The following REPS1 variants were observed in gnomAD, a reference collection of about 807,000 sequenced individuals.
REPS1 encodes the protein ralBP1-associated Eps domain-containing protein 1.
REPS1 carries 39 observed loss-of-function variants against 100.9 expected under a neutral mutation model. The ratio of observed to expected loss-of-function variants is 0.39; its 90% CI spans 0.30 to 0.50. REPS1 has a LOEUF of 0.50. Ranked by LOEUF, REPS1 falls within the 20% of genes least tolerant of loss-of-function variation. The probability of loss-of-function intolerance (pLI) is 0.86; values close to 1 mark genes in which losing one functional copy is unlikely to be tolerated. For missense variants in REPS1, 821 were observed against 968.5 expected (o/e 0.85, Z 2.02); for synonymous variants, 324 against 340.3 (o/e 0.95, Z 0.53).
rs1294526683 is a variant in REPS1 at position 138,987,971 on chromosome 6, G to A, written c.-289C>T. The A allele has an allele frequency of 1.0e-5, 4 of 388,722 alleles. No homozygotes were observed. Among genetic ancestry groups the A allele is most frequent in the Non-Finnish European group, 1.8e-5 (4 of 220,432 alleles). The allele number at this position is 388,722 out of a possible 1,614,324, so 24.1% of individuals were successfully genotyped here. ...GGCTCCGGCTCCGGCCGCGGGGAGGGTGCAGAGAAAGAGGCGGGGGCCGCG... is the reference window on the plus strand; with the variant it reads ...GGCTCCGGCTCCGGCCGCGGGGAGGATGCAGAGAAAGAGGCGGGGGCCGCG... On this transcript the variant is annotated 5_prime_UTR_variant, in exon 1 of 20. Coordinates refer to ENST00000450536, the MANE Select transcript of REPS1 (RefSeq NM_001286611.2).
At chr6:138,947,047 T>TCTTG (rs911083347) in intron 2 of REPS1, among the ~76,000 whole-genome samples, 2 of 146,392 alleles carry the variant, frequency 1.4e-5, no homozygotes, top group African/African-American at 5.3e-5. Context: ...TCTCTCTCTC[T>TCTTG]CTCTCTCTCT....
intron 1 of REPS1, among the ~76,000 whole-genome samples, chr6:138,973,200 G>C (rs998654853): frequency 6.6e-6 from 1 of 152,102 alleles, no homozygotes; most frequent in Non-Finnish European, 1.5e-5. Flanking sequence ...TTAGGAAAAA[G>C]TTCAAGTAGG....
At chr6:138,932,929 C>T (rs768771203) in intron 8 of REPS1, among the ~76,000 whole-genome samples, 1 of 152,138 alleles carries the variant, frequency 6.6e-6, no homozygotes, top group Non-Finnish European at 1.5e-5. Flanking sequence ...CAAGAGCTTC[C>T]AGCACTTAAA....
chr6:138,926,511 A>G, intron 9 of REPS1, 30 bp from the exon 10 acceptor site: 1 of 1,484,340 alleles, frequency 6.7e-7, no homozygotes, highest in Non-Finnish European at 9.4e-7. Flanking sequence ...ACAAGTCAGC[A>G]TGATGAGAAA....
intron 1 of REPS1, among the ~76,000 whole-genome samples, chr6:138,980,213 G>T (rs927636534): frequency 6.6e-6 from 1 of 152,136 alleles, no homozygotes; most frequent in Non-Finnish European, 1.5e-5. Flanking sequence ...CTGCCACCTC[G>T]CTAATCTAAG....
chr6:138,912,929 G>T lies in REPS1; in HGVS notation c.1807C>A (p.Arg603Ser). The T allele has an allele frequency of 6.2e-7, 1 of 1,613,806 alleles. No homozygotes were observed. Among genetic ancestry groups the T allele is most frequent in the Non-Finnish European group, 8.5e-7 (1 of 1,179,814 alleles). Residue 603 changes from arginine (R) to serine (S), a missense_variant, in exon 16 of 20, where the codon CGC becomes AGC. Physicochemically the swap from Arg to Ser is moderately radical, Grantham distance 110. Coordinates refer to ENST00000450536, the MANE Select transcript of REPS1 (RefSeq NM_001286611.2). Reference sequence around the variant, plus strand: ...ATGAGGCCATCGGCATCCACTGGGCGATGCACAGCAGGACCAGGAGCCTGT... The same window carrying T: ...ATGAGGCCATCGGCATCCACTGGGCTATGCACAGCAGGACCAGGAGCCTGT... ...PSQAPGPAVH[R>S]PVDADGLITH...
Position 138,908,783 on chromosome 6 carries a change from T to C in REPS1, c.2101A>G (p.Lys701Glu). 1 of 1,614,152 alleles carries C rather than the reference T, an allele frequency of 6.2e-7. No homozygotes were observed. The highest frequency in any genetic ancestry group is 8.5e-7 in the Non-Finnish European group (1 of 1,180,016). Residue 701 changes from lysine to glutamate, a missense_variant, in exon 18 of 20, where the codon AAA becomes GAA. By Grantham distance (56) the Lys-to-Glu change is moderately conservative. Transcript: ENST00000450536. ...KGTTPLAPPP[K>E]PVRRRLKSED... The stretch of plus-strand genomic sequence containing the variant: ...GATTTTAATCTTCTTCGAACAGGTT[T>C]AGGTGGTGGAGCAAGTGGTGTTGTG...
At chr6:138,952,212 G>C (rs1420125757) in intron 1 of REPS1, among the ~76,000 whole-genome samples, 1 of 152,032 alleles carries the variant, frequency 6.6e-6, no homozygotes, top group Admixed American at 6.6e-5. Flanking sequence ...GGCAATTAGG[G>C]AAGAGAAAGA....
chr6:138,931,376 C>A (rs1369119874), intron 8 of REPS1, among the ~76,000 whole-genome samples: 1 of 152,078 alleles, frequency 6.6e-6, no homozygotes, highest in African/African-American at 2.4e-5. Flanking sequence ...TAACTTCATT[C>A]ACCTTTACTG....
intron 1 of REPS1, 116 bp downstream of exon 1, chr6:138,987,414 G>T: frequency 1.8e-6 from 2 of 1,137,536 alleles, no homozygotes; most frequent in South Asian, 1.7e-5. Context: ...CCGCTGCGGG[G>T]ACCCCCCGAG....
At chr6:138,914,952 A>C in intron 14 of REPS1, 191 bp from the exon 15 acceptor site, 1 of 560,974 alleles carries the variant, frequency 1.8e-6, no homozygotes, top group Non-Finnish European at 3.1e-6. Context: ...CTTTCATCAG[A>C]TCTCACTTTG....
At position 138,947,373 on chromosome 6, in the gene REPS1, CCAAA is replaced by C. The variant is rs988200529; in HGVS notation, c.277+413_277+416del. ...TTCAACTGAAGCCTCCACAGCCTTC[CCAAA>C]CAAACAAACAAACAAAAATACAAAG... On this transcript the variant is annotated intron_variant, in intron 2 of 19. Coordinates refer to ENST00000450536, the MANE Select transcript of REPS1 (RefSeq NM_001286611.2). Among the ~76,000 whole-genome samples the C allele has an allele frequency of 2.7e-3, 413 of 151,722 alleles. 1 individual carries two copies. Among genetic ancestry groups the C allele is most frequent in the African/African-American group, 9.2e-3 (377 of 41,160 alleles).
chr6:138,962,373 T>A (rs1253645679), intron 1 of REPS1, among the ~76,000 whole-genome samples: 1 of 151,664 alleles, frequency 6.6e-6, no homozygotes, highest in East Asian at 1.9e-4. Context: ...GAAAAAAAAA[T>A]TATTCTAAGG....
chr6:138,957,796 T>C (rs1783494098), intron 1 of REPS1, among the ~76,000 whole-genome samples: 1 of 152,234 alleles, frequency 6.6e-6, no homozygotes, highest in African/African-American at 2.4e-5. Context: ...GTAATCATAG[T>C]ACAATACTGA....
chr6:138,925,177 C>A (rs1188878), intron 10 of REPS1, among the ~76,000 whole-genome samples: 4 of 143,422 alleles, frequency 2.8e-5, no homozygotes, highest in Non-Finnish European at 6.0e-5. Context: ...GAAACCCCGC[C>A]TCTACTAAAA....
chr6:138,955,180 T>A (rs919508417), intron 1 of REPS1, among the ~76,000 whole-genome samples: 1 of 152,144 alleles, frequency 6.6e-6, no homozygotes, highest in Non-Finnish European at 1.5e-5. Flanking sequence ...TCAGGTATGA[T>A]GGCTCACACC....
chr6:138,980,488 T>C (rs1784879543), intron 1 of REPS1, among the ~76,000 whole-genome samples: 1 of 152,132 alleles, frequency 6.6e-6, no homozygotes, highest in African/African-American at 2.4e-5. Flanking sequence ...CACTGTGCTC[T>C]TCACAGCCTC....
Position 138,984,712 on chromosome 6 carries a change from C to T in REPS1, c.153+2818G>A, listed in dbSNP as rs192624564. ...CCCAAGTTAAGTCTACAGTTTTATTCCTCTAATTCCTGTGGCCCTGACAAA... is the reference window on the plus strand; with the variant it reads ...CCCAAGTTAAGTCTACAGTTTTATTTCTCTAATTCCTGTGGCCCTGACAAA... On this transcript the variant is annotated intron_variant, in intron 1 of 19. Coordinates refer to ENST00000450536, the MANE Select transcript of REPS1 (RefSeq NM_001286611.2). 2.0e-3 allele frequency among the ~76,000 whole-genome samples: 306 copies of T among 152,216 alleles called. 3 individuals carry two copies. Among genetic ancestry groups the T allele is most frequent in the African/African-American group, 7.0e-3 (289 of 41,530 alleles).
At position 138,945,709 on chromosome 6, in the gene REPS1, A is replaced by G; in HGVS notation, c.278-12T>C. 2.0e-6 allele frequency: 3 copies of G among 1,525,572 alleles called. No individual in the cohort carries two copies. Among genetic ancestry groups the G allele is most frequent in the Non-Finnish European group, 2.6e-6 (3 of 1,137,650 alleles). 94.5% of individuals were successfully genotyped at this position (1,525,572 alleles called of 1,614,324 possible). A position where few individuals can be genotyped will look rare whatever the true frequency, so the allele number is the denominator to read the frequency against. ...AGGAAGGTCCTTTACTGTTAACCACAAAATAATCATTACTTCAAAATAAAA... is the reference window on the plus strand; with the variant it reads ...AGGAAGGTCCTTTACTGTTAACCACGAAATAATCATTACTTCAAAATAAAA... On this transcript the variant is annotated splice_polypyrimidine_tract_variant and intron_variant, in intron 2 of 19. Coordinates refer to ENST00000450536, the MANE Select transcript of REPS1 (RefSeq NM_001286611.2).
Sources: allele counts gnomAD v4.1 joint callset (sites outside exome capture counted in the v4.1 genomes callset), GRCh38; gene constraint gnomAD v4.1.1; transcripts MANE v1.5; gene names NCBI Gene and HGNC (gene_info 2026-07-23, HGNC 2026-07-21).